Variants in LRRTM4 observed in about 807,000 individuals in gnomAD.
LRRTM4 encodes leucine rich repeat transmembrane neuronal 4, also known as leucine-rich repeat transmembrane neuronal protein 4.
A neutral mutation model predicts 47.6 loss-of-function variants in LRRTM4; 25 were observed. That is an observed-to-expected ratio of 0.53 (90% CI 0.38 to 0.73). The LOEUF (loss-of-function observed/expected upper bound fraction) is 0.73, where lower values mean the gene tolerates loss of function less well. LRRTM4 is among the 30% of genes least tolerant of loss of function. The pLI is 0.00. For missense variants in LRRTM4, 638 were observed against 713.4 expected, an observed-to-expected ratio of 0.89 and a Z score of 1.20; for synonymous variants, 311 against 269.5, an observed-to-expected ratio of 1.15 and a Z score of -1.51.
At chr2:76,881,468 C>CT (rs74263980) in intron 3 of LRRTM4, among the ~76,000 whole-genome samples, 15,315 of 136,486 alleles carry the variant, frequency 0.11, 1,038 homozygotes, top group East Asian at 0.37. Flanking sequence ...TTGCTAAAGA[C>CT]TTTTTTTTTT....
intron 3 of LRRTM4, among the ~76,000 whole-genome samples, chr2:77,266,444 T>C (rs76344780): frequency 0.031 from 4,721 of 152,140 alleles, 115 homozygotes; most frequent in African/African-American, 0.066. Flanking sequence ...GAATAAAAAA[T>C]ATTGTCACAA....
At chr2:77,128,417 GAT>G (rs2103970085) in intron 3 of LRRTM4, among the ~76,000 whole-genome samples, 1 of 152,172 alleles carries the variant, frequency 6.6e-6, no homozygotes, top group Non-Finnish European at 1.5e-5. Flanking sequence ...TAGATAGATA[GAT>G]AGAGAAATGT....
intron 3 of LRRTM4, among the ~76,000 whole-genome samples, chr2:77,049,068 C>T (rs187178063): frequency 8.5e-5 from 12 of 140,504 alleles, no homozygotes; most frequent in South Asian, 4.5e-4. Context: ...TGAGCTCATC[C>T]GTGTTGCTGT....
At chr2:77,480,975 C>T (rs1230489668) in intron 3 of LRRTM4, among the ~76,000 whole-genome samples, 2 of 152,050 alleles carry the variant, frequency 1.3e-5, no homozygotes. Flanking sequence ...CCCCATGTAA[C>T]AAAGCCTTCA....
Position 76,754,221 on chromosome 2 carries a change from A to G in LRRTM4, c.1552-5305T>C, listed in dbSNP as rs1573052640. Among the ~76,000 whole-genome samples the G allele has an allele frequency of 5.3e-5, 8 of 152,340 alleles. No individual in the cohort carries two copies. The South Asian group carries it at 1.7e-3, about 32-fold the overall frequency. ...AAAATTAATTTTAAAATGAATGTCC[A>G]TAGCTAAATGAATATATAACTTAGC... On this transcript the variant is annotated intron_variant, in intron 3 of 3. Coordinates refer to ENST00000409884, the MANE Select transcript of LRRTM4 (RefSeq NM_001134745.3).
intron 3 of LRRTM4, among the ~76,000 whole-genome samples, chr2:77,345,612 T>C (rs1332261060): frequency 6.6e-6 from 1 of 152,018 alleles, no homozygotes; most frequent in East Asian, 1.9e-4. Context: ...ACTACTGTTA[T>C]ACATGTAGTA....
At chr2:76,998,113 T>C (rs1225795905) in intron 3 of LRRTM4, among the ~76,000 whole-genome samples, 1 of 152,094 alleles carries the variant, frequency 6.6e-6, no homozygotes, top group Non-Finnish European at 1.5e-5. Flanking sequence ...ACATGTAATA[T>C]GCTCGAATCA....
intron 3 of LRRTM4, among the ~76,000 whole-genome samples, chr2:77,360,506 CG>C (rs1421164587): frequency 6.0e-5 from 9 of 150,022 alleles, no homozygotes; most frequent in Non-Finnish European, 1.3e-4. Flanking sequence ...CGATACGATA[CG>C]ATACGATACG....
rs188633661 is a variant in LRRTM4 at position 77,000,696 on chromosome 2, T to C, written c.1552-251780A>G. 9.8e-5 allele frequency among the ~76,000 whole-genome samples: 15 copies of C among 152,318 alleles called. No homozygotes were observed. The East Asian group carries it at 2.1e-3, about 22-fold the overall frequency. On this transcript the variant is annotated intron_variant, in intron 3 of 3. Transcript: ENST00000409884. ...TGTTTTGGTTTGTTCTGGAAACTTA[T>C]AGAACTCAAGAGTAGTAGAATGACT...
intron 3 of LRRTM4, among the ~76,000 whole-genome samples, chr2:76,818,378 T>C (rs1670960517): frequency 6.6e-6 from 1 of 151,474 alleles, no homozygotes; most frequent in South Asian, 2.1e-4. Flanking sequence ...AGAAAAAAAA[T>C]AATAAAGTGC....
chr2:77,289,745 AT>A (rs1364582982), intron 3 of LRRTM4, among the ~76,000 whole-genome samples: 1 of 152,054 alleles, frequency 6.6e-6, no homozygotes, highest in Non-Finnish European at 1.5e-5. Context: ...TGCCAATTTA[AT>A]TGTTTGAAAT....
chr2:77,277,150 G>A (rs1399589098), intron 3 of LRRTM4, among the ~76,000 whole-genome samples: 3 of 151,876 alleles, frequency 2.0e-5, no homozygotes, highest in Admixed American at 6.6e-5. Context: ...CACATACCTC[G>A]TTGTTCTCTA....
chr2:76,754,683 T>A (rs1328720867), intron 3 of LRRTM4, among the ~76,000 whole-genome samples: 2 of 152,266 alleles, frequency 1.3e-5, no homozygotes, highest in African/African-American at 4.8e-5. Context: ...CCCTCACCAA[T>A]AGGTGAGGTG....
intron 3 of LRRTM4, among the ~76,000 whole-genome samples, chr2:77,049,490 C>A (rs983570301): frequency 3.3e-5 from 5 of 151,720 alleles, no homozygotes; most frequent in African/African-American, 1.2e-4. Context: ...GCCATTCTAG[C>A]TAGAGTGAGA....
At chr2:77,023,429 C>G (rs1678343663) in intron 3 of LRRTM4, among the ~76,000 whole-genome samples, 1 of 152,204 alleles carries the variant, frequency 6.6e-6, no homozygotes, top group African/African-American at 2.4e-5. Flanking sequence ...TTGAATATTT[C>G]CTCAGAAAAT....
At chr2:76,835,918 T>C (rs996943852) in intron 3 of LRRTM4, among the ~76,000 whole-genome samples, 1 of 152,022 alleles carries the variant, frequency 6.6e-6, no homozygotes, top group Non-Finnish European at 1.5e-5. Flanking sequence ...ACAGGACTAT[T>C]TTAATTTAAT....
chr2:76,961,139 T>C (rs1675844320), intron 3 of LRRTM4, among the ~76,000 whole-genome samples: 1 of 151,478 alleles, frequency 6.6e-6, no homozygotes, highest in Non-Finnish European at 1.5e-5. Context: ...CCTTATTGGA[T>C]AGCATAATAT....
intron 3 of LRRTM4, among the ~76,000 whole-genome samples, chr2:77,089,938 A>G (rs191633352): frequency 0.064 from 9,724 of 151,994 alleles, 388 homozygotes; most frequent in Non-Finnish European, 0.077. Flanking sequence ...AGTGCAACTC[A>G]TCCCAAATCT....
intron 3 of LRRTM4, among the ~76,000 whole-genome samples, chr2:76,931,193 C>G (rs1011117005): frequency 1.3e-5 from 2 of 151,950 alleles, no homozygotes; most frequent in African/African-American, 4.8e-5. Flanking sequence ...AAAATTAATG[C>G]TAATATGTTG....
Sources: gnomAD v4.1 joint callset for allele counts (sites outside exome capture counted in the v4.1 genomes callset) on GRCh38, gnomAD v4.1.1 for gene constraint, MANE v1.5 for transcripts, NCBI Gene and HGNC (gene_info 2026-07-23, HGNC 2026-07-21) for gene names.